Variants in SGCZ observed in about 807,000 individuals in gnomAD.
SGCZ encodes zeta-sarcoglycan.
A neutral mutation model predicts 41.3 loss-of-function variants in SGCZ; 40 were observed. That is an observed-to-expected ratio of 0.97 (90% CI 0.75 to 1.26). The LOEUF (loss-of-function observed/expected upper bound fraction) is 1.26. Ranked by LOEUF, SGCZ falls within the 50% of genes most tolerant of loss-of-function variation. The pLI, the probability that SGCZ is intolerant of heterozygous loss-of-function variation, is 0.00. For synonymous variants in SGCZ, 206 were observed against 137.5 expected (o/e 1.50, Z -3.49); for missense variants, 552 against 369.8 (o/e 1.49, Z -4.04).
chr8:14,202,137 G>C (rs190662020), intron 4 of SGCZ, among the ~76,000 whole-genome samples: 20 of 152,260 alleles, frequency 1.3e-4, no homozygotes, highest in Admixed American at 1.2e-3. Flanking sequence ...TCATTACAGA[G>C]TCCTTAGGAT....
intron 1 of SGCZ, among the ~76,000 whole-genome samples, chr8:15,055,595 G>A (rs1804675723): frequency 6.6e-6 from 1 of 152,184 alleles, no homozygotes; most frequent in African/African-American, 2.4e-5. Flanking sequence ...ATGGGACTGA[G>A]AAGGCCAGAG....
chr8:14,851,973 A>G (rs1052392797), intron 1 of SGCZ, among the ~76,000 whole-genome samples: 2 of 152,028 alleles, frequency 1.3e-5, no homozygotes, highest in Non-Finnish European at 2.9e-5. Flanking sequence ...AGTTTATTAA[A>G]CTCATCTTTG....
At chr8:14,949,905 G>C (rs1038155774) in intron 1 of SGCZ, among the ~76,000 whole-genome samples, 1 of 152,022 alleles carries the variant, frequency 6.6e-6, no homozygotes, top group South Asian at 2.1e-4. Flanking sequence ...CGGAAGTTAA[G>C]GTAATTCATG....
chr8:15,044,171 T>G (rs1470145592), intron 1 of SGCZ, among the ~76,000 whole-genome samples: 2 of 152,176 alleles, frequency 1.3e-5, no homozygotes, highest in Non-Finnish European at 2.9e-5. Context: ...TATATTCCTA[T>G]GCTATATTGA....
At chr8:14,418,933 T>C (rs1033410816) in intron 2 of SGCZ, among the ~76,000 whole-genome samples, 2 of 151,986 alleles carry the variant, frequency 1.3e-5, no homozygotes, top group African/African-American at 4.8e-5. Context: ...ACTTCATAAC[T>C]GTAGGTTTCG....
At chr8:14,307,195 C>A (rs928321400) in intron 3 of SGCZ, among the ~76,000 whole-genome samples, 9 of 152,134 alleles carry the variant, frequency 5.9e-5, no homozygotes, top group Non-Finnish European at 5.9e-5. Context: ...ATTTAATTGA[C>A]TTTTCCTCTT....
chr8:14,442,384 C>T lies in SGCZ; in HGVS notation c.234+112348G>A, dbSNP rs551822397. Among the ~76,000 whole-genome samples the T allele has an allele frequency of 2.6e-5, 4 of 152,308 alleles. No homozygotes were observed. In the South Asian group the frequency reaches 8.3e-4, roughly 32 times the overall value. The stretch of plus-strand genomic sequence containing the variant: ...GACTTTGCTCCTCCTTTACCTTCCA[C>T]CATGATTGTGAAGCCTCTTCAGCCA... On this transcript the variant is annotated intron_variant, in intron 2 of 7. Coordinates refer to ENST00000382080, the MANE Select transcript of SGCZ (RefSeq NM_139167.4).
chr8:15,077,910 A>G (rs1014191456), intron 1 of SGCZ, among the ~76,000 whole-genome samples: 10 of 151,766 alleles, frequency 6.6e-5, no homozygotes, highest in Non-Finnish European at 1.5e-4. Context: ...GTGTCCCCAG[A>G]GAATCTTCGA....
Position 14,531,529 on chromosome 8 carries a change from A to AAGACGTG in SGCZ, c.234+23202_234+23203insCACGTCT, listed in dbSNP as rs1803130483. Among the ~76,000 whole-genome samples, 6 of 152,042 alleles carry AAGACGTG rather than the reference A, an allele frequency of 3.9e-5. No homozygotes were observed. In the South Asian group the frequency reaches 1.2e-3, roughly 31 times the overall value. On this transcript the variant is annotated intron_variant, in intron 2 of 7. Transcript: ENST00000382080. The stretch of plus-strand genomic sequence containing the variant: ...GCAAGGGTGGAAAAGCCACAAAGGA[A>AAGACGTG]AGACGCGAGATTTCCCAGTAGGTGG...
chr8:14,099,283 T>C (rs1002717315), intron 7 of SGCZ, among the ~76,000 whole-genome samples: 5 of 152,236 alleles, frequency 3.3e-5, no homozygotes, highest in African/African-American at 1.2e-4. Context: ...TATTGTCTTA[T>C]AAACCATATA....
At chr8:14,766,329 C>G (rs550339591) in intron 1 of SGCZ, among the ~76,000 whole-genome samples, 5 of 152,074 alleles carry the variant, frequency 3.3e-5, no homozygotes, top group African/African-American at 1.2e-4. Context: ...ATAAGGTTGA[C>G]TTGGGGTATA....
chr8:14,731,422 A>G (rs1329899280), intron 1 of SGCZ, among the ~76,000 whole-genome samples: 1 of 152,078 alleles, frequency 6.6e-6, no homozygotes, highest in Non-Finnish European at 1.5e-5. Context: ...TATTAGGAGA[A>G]ATACCTGATG....
chr8:14,626,071 G>A (rs1157049146), intron 1 of SGCZ, among the ~76,000 whole-genome samples: 1 of 152,144 alleles, frequency 6.6e-6, no homozygotes, highest in African/African-American at 2.4e-5. Flanking sequence ...TGCTGAATGG[G>A]AGTCCACAAA....
chr8:14,866,970 G>C (rs1458590396), intron 1 of SGCZ, among the ~76,000 whole-genome samples: 2 of 152,080 alleles, frequency 1.3e-5, no homozygotes, highest in African/African-American at 4.8e-5. Context: ...GTTTTACCTA[G>C]GATACATGTA....
chr8:14,978,956 G>A (rs7834663), intron 1 of SGCZ, among the ~76,000 whole-genome samples: 3,350 of 152,020 alleles, frequency 0.022, 145 homozygotes, highest in African/African-American at 0.076. Context: ...GTGCCACCAC[G>A]CCCAACTAAT....
At chr8:14,669,703 C>T (rs200075542) in intron 1 of SGCZ, among the ~76,000 whole-genome samples, 27,255 of 148,464 alleles carry the variant, frequency 0.18, 2,995 homozygotes, top group East Asian at 0.41. Context: ...TACACACACA[C>T]ACACACACAC....
At chr8:14,254,477 C>T (rs1316098753) in intron 3 of SGCZ, among the ~76,000 whole-genome samples, 1 of 152,220 alleles carries the variant, frequency 6.6e-6, no homozygotes, top group East Asian at 1.9e-4. Flanking sequence ...CAGATGTTAT[C>T]TTAGGTCAAA....
At chr8:14,465,053 C>T (rs1260317300) in intron 2 of SGCZ, among the ~76,000 whole-genome samples, 1 of 151,592 alleles carries the variant, frequency 6.6e-6, no homozygotes, top group Non-Finnish European at 1.5e-5. Context: ...ATGTATTCTG[C>T]TTTTGTTCAG....
At chr8:14,555,602 C>T (rs1283385136) in intron 1 of SGCZ, among the ~76,000 whole-genome samples, 1 of 151,878 alleles carries the variant, frequency 6.6e-6, no homozygotes, top group African/African-American at 2.4e-5. Context: ...TGTCAATTAC[C>T]CCGTCTCAAA....
Sources: allele counts gnomAD v4.1 joint callset (sites outside exome capture counted in the v4.1 genomes callset), GRCh38; gene constraint gnomAD v4.1.1; transcripts MANE v1.5; gene names NCBI Gene and HGNC (gene_info 2026-07-23, HGNC 2026-07-21).